Variants in THSD4 observed in about 807,000 individuals in gnomAD.
THSD4 encodes the protein thrombospondin type 1 domain containing 4.
In THSD4, 69 loss-of-function variants were observed where a neutral mutation model predicts 119.0. That is an observed-to-expected ratio of 0.58 (90% CI 0.48 to 0.71). THSD4 has a LOEUF of 0.71. THSD4 is among the 30% of genes least tolerant of loss of function. The probability of loss-of-function intolerance (pLI) is 0.00; values close to 1 mark genes in which losing one functional copy is unlikely to be tolerated. For missense variants in THSD4, 1,393 were observed against 1,391.1 expected (o/e 1.00, Z -0.02); for synonymous variants, 524 against 540.4 (o/e 0.97, Z 0.42).
intron 6 of THSD4, among the ~76,000 whole-genome samples, chr15:71,270,633 G>T (rs1200343793): frequency 6.6e-6 from 1 of 152,120 alleles, no homozygotes; most frequent in African/African-American, 2.4e-5. Flanking sequence ...ATAGAGCCAG[G>T]TTCAAACTCC....
chr15:71,457,265 G>C (rs2047353069), intron 7 of THSD4, among the ~76,000 whole-genome samples: 1 of 151,216 alleles, frequency 6.6e-6, no homozygotes, highest in Admixed American at 6.6e-5. Flanking sequence ...CTCCTGTAGT[G>C]CCAGCTTTGG....
At chr15:71,240,011 T>C (rs1327666892) in intron 4 of THSD4, among the ~76,000 whole-genome samples, 2 of 152,354 alleles carry the variant, frequency 1.3e-5, no homozygotes, top group East Asian at 3.9e-4. Context: ...AATTAACTGG[T>C]CATTTGCATT....
intron 7 of THSD4, among the ~76,000 whole-genome samples, chr15:71,526,079 T>C (rs1214975662): frequency 6.6e-6 from 1 of 152,238 alleles, no homozygotes; most frequent in Non-Finnish European, 1.5e-5. Flanking sequence ...CATCACTATT[T>C]CATTGTAAAT....
intron 6 of THSD4, among the ~76,000 whole-genome samples, chr15:71,381,885 A>G (rs530730672): frequency 6.6e-6 from 1 of 152,324 alleles, no homozygotes; most frequent in South Asian, 2.1e-4. Context: ...TAACATATCA[A>G]GTAAGTCTAC....
intron 8 of THSD4, among the ~76,000 whole-genome samples, chr15:71,682,500 A>T (rs1445597584): frequency 6.6e-6 from 1 of 151,788 alleles, no homozygotes; most frequent in Non-Finnish European, 1.5e-5. Flanking sequence ...CACACCATAC[A>T]TTAGTTTTTG....
intron 7 of THSD4, among the ~76,000 whole-genome samples, chr15:71,415,344 A>G (rs754083119): frequency 6.6e-6 from 1 of 152,218 alleles, no homozygotes; most frequent in Non-Finnish European, 1.5e-5. Flanking sequence ...GTTAAAGCCT[A>G]TGTTTATCCA....
intron 6 of THSD4, among the ~76,000 whole-genome samples, chr15:71,372,417 C>T (rs1394472015): frequency 6.6e-6 from 1 of 152,212 alleles, no homozygotes; most frequent in Admixed American, 6.5e-5. Flanking sequence ...GTTTCATCTA[C>T]TTTTGGTCTT....
At chr15:71,680,916 ATTTT>A (rs771191395) in intron 8 of THSD4, among the ~76,000 whole-genome samples, 2 of 135,502 alleles carry the variant, frequency 1.5e-5, no homozygotes, top group Admixed American at 7.5e-5. Flanking sequence ...ATTACTAGTA[ATTTT>A]TTTTTTTTTT....
intron 7 of THSD4, among the ~76,000 whole-genome samples, chr15:71,477,864 A>C (rs2140657399): frequency 6.6e-6 from 1 of 152,312 alleles, no homozygotes; most frequent in Non-Finnish European, 1.5e-5. Context: ...AGGGTTCTGC[A>C]GCTTAAAAAA....
At chr15:71,390,605 T>C (rs1290981394) in intron 6 of THSD4, among the ~76,000 whole-genome samples, 2 of 152,158 alleles carry the variant, frequency 1.3e-5, no homozygotes, top group African/African-American at 2.4e-5. Flanking sequence ...TGAATGTCCT[T>C]GATTTAAACT....
chr15:71,184,804 A>G (rs577778396), intron 3 of THSD4, among the ~76,000 whole-genome samples: 3 of 151,888 alleles, frequency 2.0e-5, no homozygotes, highest in East Asian at 1.9e-4. Context: ...ACAACTGTCT[A>G]TCATTAGGTT....
chr15:71,674,301 T>C (rs1274309368), intron 8 of THSD4, among the ~76,000 whole-genome samples: 1 of 152,232 alleles, frequency 6.6e-6, no homozygotes, highest in Non-Finnish European at 1.5e-5. Context: ...AGAGCTCTTA[T>C]TTCCAGCTGG....
intron 2 of THSD4, among the ~76,000 whole-genome samples, chr15:71,147,395 A>G (rs2040673471): frequency 6.6e-6 from 1 of 152,074 alleles, no homozygotes; most frequent in Non-Finnish European, 1.5e-5. Flanking sequence ...TTTTTTGTAG[A>G]GATGTGATCT....
At chr15:71,747,535 G>A (rs1403125486) in intron 13 of THSD4, among the ~76,000 whole-genome samples, 1 of 152,228 alleles carries the variant, frequency 6.6e-6, no homozygotes, top group Non-Finnish European at 1.5e-5. Context: ...TCTGTTACAA[G>A]TTGAAAGGCT....
intron 7 of THSD4, among the ~76,000 whole-genome samples, chr15:71,492,835 G>T (rs2047942808): frequency 6.6e-6 from 1 of 151,856 alleles, no homozygotes. Context: ...CGATTTGCTT[G>T]TGGTGAGAAT....
At chr15:71,367,204 C>T (rs1003672731) in intron 6 of THSD4, among the ~76,000 whole-genome samples, 1 of 150,160 alleles carries the variant, frequency 6.7e-6, no homozygotes, top group Non-Finnish European at 1.5e-5. Flanking sequence ...ACAATTACCT[C>T]ATGCTAGGCT....
chr15:71,626,345 T>C (rs1422696418), intron 7 of THSD4, among the ~76,000 whole-genome samples: 3 of 152,220 alleles, frequency 2.0e-5, no homozygotes, highest in African/African-American at 4.8e-5. Context: ...TGCACTTATA[T>C]CTTATTGAAC....
At chr15:71,220,822 C>T (rs1417242694) in intron 4 of THSD4, among the ~76,000 whole-genome samples, 2 of 152,124 alleles carry the variant, frequency 1.3e-5, no homozygotes, top group South Asian at 2.1e-4. Flanking sequence ...CAGCCAAGAC[C>T]CTAGTGTCTG....
chr15:71,620,923 CTCCTAT>C (rs925048722), intron 7 of THSD4, among the ~76,000 whole-genome samples: 45 of 152,186 alleles, frequency 3.0e-4, no homozygotes, highest in African/African-American at 1.1e-3. Context: ...TTCTGGCTGC[CTCCTAT>C]TGTGTTATTT....
Sources: allele counts gnomAD v4.1 joint callset (sites outside exome capture counted in the v4.1 genomes callset), GRCh38; gene constraint gnomAD v4.1.1; transcripts MANE v1.5; gene names NCBI Gene and HGNC (gene_info 2026-07-23, HGNC 2026-07-21).